The following DHX57 variants were observed in gnomAD, a reference collection of about 807,000 sequenced individuals.
DHX57 encodes DExH-box helicase 57, also known as putative ATP-dependent RNA helicase DHX57.
DHX57 carries 105 observed loss-of-function variants against 156.2 expected under a neutral mutation model. The ratio of observed to expected loss-of-function variants is 0.67; its 90% CI spans 0.57 to 0.79. The LOEUF is 0.79. Ranked by LOEUF, DHX57 falls within the 30% of genes least tolerant of loss-of-function variation. DHX57 has a pLI of 0.00. For missense variants in DHX57, 1,847 were observed against 1,661.9 expected, an observed-to-expected ratio of 1.11 and a Z score of -1.94; for synonymous variants, 704 against 595.6, an observed-to-expected ratio of 1.18 and a Z score of -2.65.
chr2:38,799,587 C>G (rs1361633943), intron 23 of DHX57, among the ~76,000 whole-genome samples: 1 of 147,218 alleles, frequency 6.8e-6, no homozygotes, highest in Non-Finnish European at 1.5e-5. Context: ...CCCATCTCTA[C>G]TAAAAATACA....
chr2:38,838,983 G>C (rs1173834724), intron 12 of DHX57, among the ~76,000 whole-genome samples: 1 of 151,854 alleles, frequency 6.6e-6, no homozygotes, highest in Non-Finnish European at 1.5e-5. Context: ...CCAGGCTGGA[G>C]TGCAGTGGTG....
At chr2:38,813,780 C>T in intron 21 of DHX57, 41 bp downstream of exon 21, 5 of 1,607,424 alleles carry the variant, frequency 3.1e-6, no homozygotes, top group Non-Finnish European at 4.3e-6. Flanking sequence ...GGCTACAAAT[C>T]AAACAAAAAA....
chr2:38,824,896 GC>G (rs1321133812), intron 16 of DHX57, among the ~76,000 whole-genome samples: 1 of 152,132 alleles, frequency 6.6e-6, no homozygotes, highest in East Asian at 1.9e-4. Flanking sequence ...TGATCTGCCT[GC>G]CCCAGCCTCC....
At chr2:38,804,570 A>G (rs2148530053) in intron 22 of DHX57, among the ~76,000 whole-genome samples, 1 of 152,260 alleles carries the variant, frequency 6.6e-6, no homozygotes, top group East Asian at 1.9e-4. Flanking sequence ...AATGGTGTCC[A>G]AGGATAAAAA....
intron 5 of DHX57, 150 bp downstream of exon 5, chr2:38,860,849 G>A (rs756232501): frequency 2.6e-5 from 18 of 684,566 alleles, no homozygotes; most frequent in Non-Finnish European, 4.2e-5. Context: ...TTACAGTTCA[G>A]GGAATTCTCA....
chr2:38,847,192 G>A, intron 10 of DHX57, 119 bp from the exon 11 acceptor site: 1 of 770,082 alleles, frequency 1.3e-6, no homozygotes. Flanking sequence ...TTTGTTCTGT[G>A]GTCTTAAAAG....
intron 19 of DHX57, among the ~76,000 whole-genome samples, chr2:38,817,187 T>G (rs988367940): frequency 6.6e-6 from 1 of 151,978 alleles, no homozygotes; most frequent in African/African-American, 2.4e-5. Context: ...CTGCCTTGGC[T>G]TCCCAAAGTG....
intron 1 of DHX57, among the ~76,000 whole-genome samples, chr2:38,871,178 C>G (rs1665334747): frequency 6.6e-6 from 1 of 151,986 alleles, no homozygotes; most frequent in South Asian, 2.1e-4. Context: ...ATTTGAAAAC[C>G]AGTACAAAAG....
At position 38,843,190 on chromosome 2, in the gene DHX57, C is replaced by T. The variant is rs1264671525; in HGVS notation, c.2240G>A (p.Ser747Asn). Residue 747 changes from serine to asparagine, a missense_variant, in exon 12 of 24, where the codon AGC becomes AAC. Physicochemically the swap from Ser to Asn is conservative, Grantham distance 46 (BLOSUM62 1). Transcript: ENST00000457308. ...CTGTTTCATGGACCGCATATATGGG[C>T]TCCCATCCTGTAATACATACCTGAG... ...AVTRYVLQDG[S>N]PYMRSMKQIS... 1.2e-6 allele frequency: 2 copies of T among 1,613,930 alleles called. No homozygotes were observed. The highest frequency in any genetic ancestry group is 1.7e-6 in the Non-Finnish European group (2 of 1,180,000).
chr2:38,800,249 G>T (rs969139501), intron 23 of DHX57, among the ~76,000 whole-genome samples: 1 of 151,550 alleles, frequency 6.6e-6, no homozygotes, highest in African/African-American at 2.4e-5. Context: ...AGCTACTCAG[G>T]ATGCTGAGGC....
rs757575841 is a variant in DHX57, at chr2:38,826,066, T to C, written c.2814-19A>G. ...ATCATATCTATAAAGAAAAAGAAAA[T>C]ATAAATTGAGTCATTTTATAAAAAC... On this transcript the variant is annotated intron_variant, in intron 15 of 23. Coordinates refer to ENST00000457308, the MANE Select transcript of DHX57 (RefSeq NM_198963.3). 2.5e-6 allele frequency: 4 copies of C among 1,607,846 alleles called. No homozygotes were observed. The Admixed American group carries it at 5.0e-5, about 20-fold the overall frequency.
chr2:38,810,447 A>C (rs1333739676), intron 21 of DHX57: 8 of 532,232 alleles, frequency 1.5e-5, no homozygotes, highest in Non-Finnish European at 2.6e-5. Context: ...TTTGGCAGTG[A>C]CCTTGCTCTG....
chr2:38,871,188 G>A (rs778838972), intron 1 of DHX57, among the ~76,000 whole-genome samples: 10 of 152,110 alleles, frequency 6.6e-5, no homozygotes, highest in Non-Finnish European at 1.5e-4. Context: ...CAGTACAAAA[G>A]TATTGTCTCT....
intron 13 of DHX57, among the ~76,000 whole-genome samples, chr2:38,830,317 C>A (rs1671314718): frequency 6.6e-6 from 1 of 152,098 alleles, no homozygotes; most frequent in African/African-American, 2.4e-5. Flanking sequence ...ATTTAATCCT[C>A]ATAGCCATCC....
At chr2:38,846,662 A>G (rs1672302806) in intron 11 of DHX57, among the ~76,000 whole-genome samples, 1 of 151,948 alleles carries the variant, frequency 6.6e-6, no homozygotes. Flanking sequence ...AGAGGGACTT[A>G]AATATTGGCA....
At chr2:38,831,580 C>T (rs1200231210) in intron 13 of DHX57, among the ~76,000 whole-genome samples, 1 of 152,060 alleles carries the variant, frequency 6.6e-6, no homozygotes, top group African/African-American at 2.4e-5. Flanking sequence ...ATAGGCTGGG[C>T]ATGGTGGCTC....
chr2:38,847,733 G>A (rs34815682), intron 10 of DHX57, among the ~76,000 whole-genome samples: 3,474 of 152,182 alleles, frequency 0.023, 57 homozygotes, highest in Non-Finnish European at 0.037. Flanking sequence ...AAACACAATG[G>A]AATGCTAGAA....
intron 17 of DHX57, among the ~76,000 whole-genome samples, chr2:38,820,281 C>T (rs1670745185): frequency 6.6e-6 from 1 of 151,756 alleles, no homozygotes; most frequent in African/African-American, 2.4e-5. Context: ...AGGGCAGGTG[C>T]TCAGTTTTGG....
At chr2:38,834,083 A>G (rs905654281) in intron 13 of DHX57, among the ~76,000 whole-genome samples, 1 of 152,020 alleles carries the variant, frequency 6.6e-6, no homozygotes, top group African/African-American at 2.4e-5. Context: ...TAATCCCAGC[A>G]CTTTGGGAGG....
Sources: gnomAD v4.1 joint callset for allele counts (sites outside exome capture counted in the v4.1 genomes callset) on GRCh38, gnomAD v4.1.1 for gene constraint, MANE v1.5 for transcripts, NCBI Gene and HGNC (gene_info 2026-07-23, HGNC 2026-07-21) for gene names.